Variants in SORCS3 observed in about 807,000 individuals in gnomAD.
SORCS3 encodes sortilin related VPS10 domain containing receptor 3, also known as VPS10 domain-containing receptor SorCS3.
SORCS3 carries 57 observed loss-of-function variants against 146.3 expected under a neutral mutation model. The ratio of observed to expected loss-of-function variants is 0.39; its 90% CI spans 0.31 to 0.49. The LOEUF is 0.49. SORCS3 is among the 20% of genes least tolerant of loss of function. The pLI is 0.92. For missense variants in SORCS3, 1,341 were observed against 1,575.5 expected, an observed-to-expected ratio of 0.85 and a Z score of 2.52; for synonymous variants, 653 against 618.5, an observed-to-expected ratio of 1.06 and a Z score of -0.83.
intron 6 of SORCS3, among the ~76,000 whole-genome samples, chr10:105,090,207 T>C (rs1408011443): frequency 6.6e-6 from 1 of 152,198 alleles, no homozygotes; most frequent in Admixed American, 6.5e-5. Context: ...ACCCTTTATA[T>C]AGGCAACCTT....
At chr10:105,021,578 G>A (rs551131512) in intron 4 of SORCS3, among the ~76,000 whole-genome samples, 2 of 152,230 alleles carry the variant, frequency 1.3e-5, no homozygotes, top group South Asian at 2.1e-4. Flanking sequence ...TTTTAATAAT[G>A]AATAATTCGA....
rs1264670517 is a variant in SORCS3, at chr10:105,245,440, T to C, written c.2869-102T>C. 8.5e-6 allele frequency: 12 copies of C among 1,416,464 alleles called. No homozygotes were observed. In the Admixed American group the frequency reaches 2.4e-4, roughly 29 times the overall value. 87.7% of individuals were successfully genotyped at this position (1,416,464 alleles called of 1,614,324 possible). On this transcript the variant is annotated intron_variant, in intron 20 of 26. Transcript: ENST00000369701. The stretch of plus-strand genomic sequence containing the variant: ...GTATAACGTTTGTTTGTTTGTTTGT[T>C]TTTCTTTTCCAAGTTAGGATGACAG...
At chr10:104,856,414 TATG>T (rs1206971325) in intron 2 of SORCS3, among the ~76,000 whole-genome samples, 3 of 136,652 alleles carry the variant, frequency 2.2e-5, no homozygotes, top group African/African-American at 1.0e-4. Context: ...ACCACTGTTA[TATG>T]ATATTATGAT....
At chr10:104,859,562 A>G (rs1203343942) in intron 2 of SORCS3, among the ~76,000 whole-genome samples, 1 of 152,228 alleles carries the variant, frequency 6.6e-6, no homozygotes, top group Non-Finnish European at 1.5e-5. Context: ...GCCAAAATTG[A>G]CAAATGGGAT....
intron 4 of SORCS3, among the ~76,000 whole-genome samples, chr10:105,038,743 A>G (rs1358916443): frequency 6.6e-6 from 1 of 152,170 alleles, no homozygotes; most frequent in Non-Finnish European, 1.5e-5. Flanking sequence ...TTTAACATCG[A>G]TATCAATAAA....
At chr10:105,175,241 A>G (rs1033327603) in intron 13 of SORCS3, among the ~76,000 whole-genome samples, 3 of 114,098 alleles carry the variant, frequency 2.6e-5, no homozygotes, top group Non-Finnish European at 5.5e-5. Flanking sequence ...TTTTGTATTT[A>G]GTAGAGACAG....
At chr10:104,918,766 A>G (rs2019057845) in intron 3 of SORCS3, among the ~76,000 whole-genome samples, 2 of 152,222 alleles carry the variant, frequency 1.3e-5, no homozygotes, top group African/African-American at 4.8e-5. Context: ...TATTTGGTGC[A>G]TGAAAAGTGC....
chr10:104,814,179 G>A (rs1182135462), intron 1 of SORCS3, among the ~76,000 whole-genome samples: 1 of 152,102 alleles, frequency 6.6e-6, no homozygotes, highest in African/African-American at 2.4e-5. Context: ...AGTTAAATCA[G>A]CTTTCCTTTT....
At chr10:104,706,948 G>C (rs1001031368) in intron 1 of SORCS3, among the ~76,000 whole-genome samples, 1 of 152,138 alleles carries the variant, frequency 6.6e-6, no homozygotes, top group African/African-American at 2.4e-5. Context: ...TGCAATCTAG[G>C]GACTGTGGAG....
intron 1 of SORCS3, among the ~76,000 whole-genome samples, chr10:104,711,522 G>A (rs930200448): frequency 2.0e-5 from 3 of 152,214 alleles, no homozygotes; most frequent in East Asian, 3.8e-4. Context: ...CTTTCTGGCC[G>A]TAAGGCTGTG....
chr10:105,199,949 C>T, intron 14 of SORCS3, 50 bp from the exon 15 acceptor site: 1 of 1,335,380 alleles, frequency 7.5e-7, no homozygotes, highest in Non-Finnish European at 1.1e-6. Context: ...TAGTGACTGA[C>T]TATGGGACTT....
At chr10:105,154,144 T>G (rs2056188992) in intron 9 of SORCS3, among the ~76,000 whole-genome samples, 2 of 151,836 alleles carry the variant, frequency 1.3e-5, no homozygotes, top group Admixed American at 1.3e-4. Context: ...TATTGATGTT[T>G]CCTTGCCTTT....
chr10:104,821,841 C>G (rs1266030744), intron 1 of SORCS3, among the ~76,000 whole-genome samples: 2 of 152,110 alleles, frequency 1.3e-5, no homozygotes, highest in African/African-American at 2.4e-5. Flanking sequence ...CTGTCTGTCC[C>G]CCATTATGCT....
In SORCS3 at chr10:104,641,723, C is replaced by A; in HGVS notation, c.396C>A (p.Arg132=). The A allele has an allele frequency of 6.5e-7, 1 of 1,542,922 alleles. No individual in the cohort carries two copies. Among genetic ancestry groups the A allele is most frequent in the Non-Finnish European group, 8.7e-7 (1 of 1,145,204 alleles). ...PAKLGGARRS[R]RAQPPITQER... is the part of the protein sequence containing the mutation. ...AGCTTGGCGGCGCGAGGAGGAGTCGCCGGGCGCAGCCCCCAATCACCCAGG... is the reference window on the plus strand; with the variant it reads ...AGCTTGGCGGCGCGAGGAGGAGTCGACGGGCGCAGCCCCCAATCACCCAGG... The change falls in exon 1 of 27, where the codon CGC becomes CGA. Residue 132 remains arginine (R), a synonymous_variant. Coordinates refer to ENST00000369701, the MANE Select transcript of SORCS3 (RefSeq NM_014978.3). This position sits in a 1 kb window ranked among gnomAD's most constrained non-coding sequence, Gnocchi z 6.4.
At chr10:104,934,932 G>A (rs1460349059) in intron 3 of SORCS3, among the ~76,000 whole-genome samples, 1 of 152,344 alleles carries the variant, frequency 6.6e-6, no homozygotes, top group East Asian at 1.9e-4. Flanking sequence ...TGCAGTTGGA[G>A]TTGAAGGACA....
chr10:104,839,610 C>G (rs557137356), intron 1 of SORCS3, among the ~76,000 whole-genome samples: 2 of 152,266 alleles, frequency 1.3e-5, no homozygotes, highest in African/African-American at 4.8e-5. Flanking sequence ...GTATGAATTT[C>G]ATCCATTGGC....
chr10:105,135,538 C>T (rs924489870), intron 7 of SORCS3, among the ~76,000 whole-genome samples: 1 of 152,196 alleles, frequency 6.6e-6, no homozygotes, highest in Admixed American at 6.5e-5. Context: ...TTAAACTTTA[C>T]ATGGCCAGGC....
chr10:105,230,247 C>A (rs1589699460), intron 20 of SORCS3, among the ~76,000 whole-genome samples: 2 of 152,136 alleles, frequency 1.3e-5, no homozygotes, highest in East Asian at 3.9e-4. Context: ...TACCCTCAGG[C>A]TCCCTGGTGT....
intron 6 of SORCS3, among the ~76,000 whole-genome samples, chr10:105,101,615 A>G (rs2055785821): frequency 2.0e-5 from 3 of 152,192 alleles, no homozygotes; most frequent in African/African-American, 4.8e-5. Context: ...GCTTGGCACA[A>G]CATTATACCT....
Sources: gnomAD v4.1 joint callset for allele counts (sites outside exome capture counted in the v4.1 genomes callset) on GRCh38, gnomAD v4.1.1 for gene constraint, Gnocchi (gnomAD v3.1) non-coding constraint, MANE v1.5 for transcripts, NCBI Gene and HGNC (gene_info 2026-07-23, HGNC 2026-07-21) for gene names.